Variants in ZNF438 observed in about 807,000 individuals in gnomAD.
ZNF438 encodes the protein zinc finger protein 438.
A neutral mutation model predicts 38.0 loss-of-function variants in ZNF438; 25 were observed. The observed-to-expected ratio is 0.66, with a 90% CI of 0.48 to 0.92. ZNF438 has a LOEUF of 0.92. Ranked by LOEUF, ZNF438 falls within the 40% of genes least tolerant of loss-of-function variation. The pLI is 0.00. For missense variants in ZNF438, 1,007 were observed against 999.6 expected, an observed-to-expected ratio of 1.01 and a Z score of -0.10; for synonymous variants, 372 against 364.1, an observed-to-expected ratio of 1.02 and a Z score of -0.25.
intron 1 of ZNF438, among the ~76,000 whole-genome samples, chr10:30,968,109 A>C (rs147618054): frequency 2.0e-5 from 3 of 152,208 alleles, no homozygotes; most frequent in Non-Finnish European, 2.9e-5. Flanking sequence ...TAATTGCTAC[A>C]TATGTACTAT....
intron 1 of ZNF438, among the ~76,000 whole-genome samples, chr10:31,024,042 T>C (rs1218727094): frequency 1.3e-5 from 2 of 152,200 alleles, no homozygotes; most frequent in Non-Finnish European, 2.9e-5. Context: ...TTACAAACAC[T>C]GAATTACCAA....
chr10:30,868,127 T>C (rs2133355284), intron 4 of ZNF438, among the ~76,000 whole-genome samples: 1 of 151,612 alleles, frequency 6.6e-6, no homozygotes, highest in Admixed American at 6.6e-5. Flanking sequence ...TGGAGTGCAA[T>C]GGCACGATCT....
intron 3 of ZNF438, among the ~76,000 whole-genome samples, chr10:30,900,307 T>C (rs1380818986): frequency 1.3e-5 from 2 of 152,176 alleles, no homozygotes; most frequent in African/African-American, 4.8e-5. Flanking sequence ...GGTTTGCTAA[T>C]CCCTACTCTA....
intron 4 of ZNF438, among the ~76,000 whole-genome samples, chr10:30,859,366 C>T (rs1210043310): frequency 3.9e-5 from 6 of 152,336 alleles, no homozygotes; most frequent in Middle Eastern, 3.4e-3. Flanking sequence ...GCGTGAGCCA[C>T]TGTGCCCAGC....
intron 2 of ZNF438, among the ~76,000 whole-genome samples, chr10:30,913,379 C>T (rs2043270522): frequency 6.6e-6 from 1 of 151,972 alleles, no homozygotes; most frequent in African/African-American, 2.4e-5. Context: ...TGCTCCTTCC[C>T]ACCACAGGGT....
At chr10:30,996,308 G>C (rs1054377628) in intron 1 of ZNF438, among the ~76,000 whole-genome samples, 3 of 151,982 alleles carry the variant, frequency 2.0e-5, no homozygotes, top group Non-Finnish European at 2.9e-5. Flanking sequence ...AGATTATCAG[G>C]CTGTATTTTT....
At chr10:30,890,562 C>G (rs2040556407) in intron 3 of ZNF438, among the ~76,000 whole-genome samples, 1 of 152,154 alleles carries the variant, frequency 6.6e-6, no homozygotes, top group Admixed American at 6.5e-5. Flanking sequence ...TGCCTTAGGT[C>G]AGGTCCTCAC....
chr10:30,950,268 T>C (rs2048007356), intron 1 of ZNF438, among the ~76,000 whole-genome samples: 1 of 152,124 alleles, frequency 6.6e-6, no homozygotes, highest in Non-Finnish European at 1.5e-5. Context: ...GGGAAATTTA[T>C]AGCACTAAAT....
At chr10:30,898,546 C>T (rs761823566) in intron 3 of ZNF438, among the ~76,000 whole-genome samples, 82 of 151,964 alleles carry the variant, frequency 5.4e-4, no homozygotes, top group Non-Finnish European at 1.3e-4. Context: ...ACATATATAA[C>T]TATATTGTAT....
chr10:30,889,810 G>A (rs1451629413), intron 3 of ZNF438, among the ~76,000 whole-genome samples: 1 of 152,124 alleles, frequency 6.6e-6, no homozygotes, highest in Admixed American at 6.5e-5. Flanking sequence ...AAAACCTGGG[G>A]AACTGAGTGG....
intron 1 of ZNF438, among the ~76,000 whole-genome samples, chr10:31,027,244 A>T (rs985224186): frequency 2.0e-5 from 3 of 152,220 alleles, no homozygotes; most frequent in African/African-American, 7.2e-5. Flanking sequence ...AGTATAATTT[A>T]AAAAATAAAT....
intron 2 of ZNF438, among the ~76,000 whole-genome samples, chr10:30,935,739 G>A (rs1297628974): frequency 6.6e-6 from 1 of 152,174 alleles, no homozygotes; most frequent in Admixed American, 6.5e-5. Flanking sequence ...TTACAATCAT[G>A]GCAAAAGGAA....
At chr10:30,886,230 TTTTTC>T (rs1367836638) in intron 3 of ZNF438, among the ~76,000 whole-genome samples, 1 of 152,222 alleles carries the variant, frequency 6.6e-6, no homozygotes, top group Non-Finnish European at 1.5e-5. Context: ...AAATGCCACC[TTTTTC>T]TTTTGCCATA....
chr10:30,996,814 A>G (rs2054093470), intron 1 of ZNF438, among the ~76,000 whole-genome samples: 1 of 152,274 alleles, frequency 6.6e-6, no homozygotes, highest in South Asian at 2.1e-4. Flanking sequence ...ACAACCTTCA[A>G]TAATTTAAAG....
At position 30,965,207 on chromosome 10, in the gene ZNF438, G is replaced by A. The variant is rs377764264; in HGVS notation, c.-191-23556C>T. Among the ~76,000 whole-genome samples the A allele has an allele frequency of 7.9e-5, 12 of 152,142 alleles. No homozygotes were observed. The East Asian group carries it at 9.7e-4, about 12-fold the overall frequency. ...AAAATGTTTAACATCACTGATCATC[G>A]GAGAAATGCAAATCAAAACCAAAAT... is the stretch of plus-strand genomic sequence containing the variant. On this transcript the variant is annotated intron_variant, in intron 1 of 5. Coordinates refer to ENST00000413025, the Ensembl canonical transcript of ZNF438.
chr10:30,905,131 G>T (rs1271184408), intron 3 of ZNF438, among the ~76,000 whole-genome samples: 1 of 152,142 alleles, frequency 6.6e-6, no homozygotes. Flanking sequence ...AAGGGAAGAG[G>T]TTTACAATAT....
chr10:31,030,017 T>C (rs969838721), intron 1 of ZNF438, among the ~76,000 whole-genome samples: 3 of 152,264 alleles, frequency 2.0e-5, no homozygotes, highest in Non-Finnish European at 2.9e-5. Context: ...TGTGTGTCAG[T>C]TGCCTCATCT....
intron 1 of ZNF438, among the ~76,000 whole-genome samples, chr10:30,990,540 A>G (rs542085020): frequency 6.6e-6 from 1 of 152,344 alleles, no homozygotes; most frequent in Non-Finnish European, 1.5e-5. Flanking sequence ...GCATTTTATT[A>G]TTACAAGCCC....
intron 1 of ZNF438, among the ~76,000 whole-genome samples, chr10:31,026,190 A>G (rs963116305): frequency 2.0e-5 from 3 of 152,228 alleles, no homozygotes; most frequent in Non-Finnish European, 4.4e-5. Context: ...CAAGGACTTC[A>G]TGTCTAAAAC....
Sources: gnomAD v4.1 joint callset for allele counts (sites outside exome capture counted in the v4.1 genomes callset) on GRCh38, gnomAD v4.1.1 for gene constraint, MANE v1.5 for transcripts, NCBI Gene and HGNC (gene_info 2026-07-23, HGNC 2026-07-21) for gene names.